Variants in SP100 observed in about 807,000 individuals in gnomAD.
The protein encoded by SP100 is SP100 nuclear body protein.
A neutral mutation model predicts 130.0 loss-of-function variants in SP100; 84 were observed. The ratio of observed to expected loss-of-function variants is 0.65; its 90% CI spans 0.54 to 0.77. The LOEUF is 0.77. Ranked by LOEUF, SP100 falls within the 30% of genes least tolerant of loss-of-function variation. The pLI is 0.00. For synonymous variants in SP100, 331 were observed against 351.7 expected (o/e 0.94, Z 0.66); for missense variants, 978 against 1,052.2 (o/e 0.93, Z 0.97).
intron 8 of SP100, among the ~76,000 whole-genome samples, chr2:230,454,376 A>G (rs2064163777): frequency 6.6e-6 from 1 of 151,804 alleles, no homozygotes; most frequent in Non-Finnish European, 1.5e-5. Context: ...GTGTAACATT[A>G]GGTTGTTTGA....
In SP100 at chr2:230,454,415, G is replaced by T. The variant is rs112367893; in HGVS notation, c.820+4160G>T. Among the ~76,000 whole-genome samples the T allele has an allele frequency of 2.0e-5, 3 of 151,830 alleles. 1 individual carries two copies. The highest frequency in any genetic ancestry group is 7.2e-5 in the African/African-American group (3 of 41,440). On this transcript the variant is annotated intron_variant, in intron 8 of 28. Coordinates refer to ENST00000340126, the MANE Select transcript of SP100 (RefSeq NM_001080391.2). ...CTTTCTTCTTTCTTTATGTATTCTTGTGTTTATTGCTATAAACTTCCCCTC... is the reference window on the plus strand; with the variant it reads ...CTTTCTTCTTTCTTTATGTATTCTTTTGTTTATTGCTATAAACTTCCCCTC...
chr2:230,472,498 G>A (rs1223966367), intron 15 of SP100, among the ~76,000 whole-genome samples: 1 of 147,634 alleles, frequency 6.8e-6, no homozygotes. Context: ...AGAATAGAAG[G>A]AGGAAGTGAT....
At chr2:230,436,192 A>G (rs1050061647) in intron 2 of SP100, among the ~76,000 whole-genome samples, 31 of 152,174 alleles carry the variant, frequency 2.0e-4, no homozygotes, top group Non-Finnish European at 1.5e-5. Flanking sequence ...TACAAGTCTC[A>G]TACCTTTCAG....
At chr2:230,436,866 G>A (rs866177104) in intron 2 of SP100, among the ~76,000 whole-genome samples, 1 of 119,260 alleles carries the variant, frequency 8.4e-6, no homozygotes, top group South Asian at 2.6e-4. Context: ...GAACACATAT[G>A]TATATGTGTA....
At chr2:230,519,328 G>T (rs1337029310) in intron 24 of SP100, among the ~76,000 whole-genome samples, 1 of 152,210 alleles carries the variant, frequency 6.6e-6, no homozygotes, top group Non-Finnish European at 1.5e-5. Flanking sequence ...ATCCAGCAAA[G>T]CTTGCAATAA....
chr2:230,474,504 T>G lies in SP100; in HGVS notation c.1600+57T>G, dbSNP rs532352790. On this transcript the variant is annotated intron_variant, in intron 17 of 28. Coordinates refer to ENST00000340126, the MANE Select transcript of SP100 (RefSeq NM_001080391.2). Reference sequence around the variant, plus strand: ...ATGTTACAAATGAACTATTTTTTAATGCTAAGGTTTATTATCATCATTTTC... The same window carrying G: ...ATGTTACAAATGAACTATTTTTTAAGGCTAAGGTTTATTATCATCATTTTC... 202 of 840,226 alleles carry G rather than the reference T, an allele frequency of 2.4e-4. No individual in the cohort carries two copies. The African/African-American group carries it at 3.1e-3, about 13-fold the overall frequency. 52.0% of individuals were successfully genotyped at this position (840,226 alleles called of 1,614,324 possible).
At chr2:230,441,083 C>G (rs904914368) in intron 2 of SP100, among the ~76,000 whole-genome samples, 2 of 152,040 alleles carry the variant, frequency 1.3e-5, no homozygotes, top group Non-Finnish European at 2.9e-5. Context: ...TCAGACAAAA[C>G]ACTTCTATCC....
chr2:230,534,852 A>G (rs1691857366), intron 24 of SP100, among the ~76,000 whole-genome samples: 1 of 152,200 alleles, frequency 6.6e-6, no homozygotes, highest in Non-Finnish European at 1.5e-5. Context: ...TGGCTTGCTT[A>G]AGAGTTTTGA....
At chr2:230,468,874 G>T in intron 13 of SP100, 169 bp from the exon 14 acceptor site, 14 of 367,646 alleles carry the variant, frequency 3.8e-5, no homozygotes, top group Non-Finnish European at 5.8e-5. Flanking sequence ...CTAAAGGATT[G>T]TGGGTCTGTG....
intron 24 of SP100, among the ~76,000 whole-genome samples, chr2:230,530,247 A>C (rs1216415057): frequency 6.6e-6 from 1 of 152,218 alleles, no homozygotes; most frequent in Non-Finnish European, 1.5e-5. Context: ...GACCAATGGA[A>C]CAGAACAGAG....
At chr2:230,542,496 A>C (rs1692216808) in intron 28 of SP100, among the ~76,000 whole-genome samples, 1 of 152,226 alleles carries the variant, frequency 6.6e-6, no homozygotes. Context: ...GTGAGAGTAA[A>C]GGGAAAAGGA....
chr2:230,438,140 G>A (rs991657174), intron 2 of SP100, among the ~76,000 whole-genome samples: 3 of 151,888 alleles, frequency 2.0e-5, no homozygotes, highest in Admixed American at 6.6e-5. Flanking sequence ...TGTGTCTTTA[G>A]TTGGATTCTC....
At chr2:230,503,314 G>A (rs541454773) in intron 20 of SP100, among the ~76,000 whole-genome samples, 8 of 152,150 alleles carry the variant, frequency 5.3e-5, no homozygotes, top group Non-Finnish European at 1.0e-4. Context: ...CCTCATGCAG[G>A]GTTCCCTGAG....
At chr2:230,464,016 A>G in intron 10 of SP100, 51 bp from the exon 11 acceptor site, 1 of 1,251,242 alleles carries the variant, frequency 8.0e-7, no homozygotes. Context: ...TACTGAACTG[A>G]TTCCTTGGTC....
At position 230,418,106 on chromosome 2, in the gene SP100, A is replaced by T. The variant is rs138731250; in HGVS notation, c.107+441A>T. 2.0e-5 allele frequency among the ~76,000 whole-genome samples: 3 copies of T among 152,296 alleles called. No homozygotes were observed. The East Asian group carries it at 5.8e-4, about 29-fold the overall frequency. ...AAGAGTTCCTCCTCTAATATCTCTG[A>T]AAATTTTTTAAATTTTTAAACAAAA... On this transcript the variant is annotated intron_variant, in intron 2 of 28. Coordinates refer to ENST00000340126, the MANE Select transcript of SP100 (RefSeq NM_001080391.2).
At chr2:230,419,493 A>G (rs1025445578) in intron 2 of SP100, among the ~76,000 whole-genome samples, 9 of 152,308 alleles carry the variant, frequency 5.9e-5, no homozygotes, top group Non-Finnish European at 1.3e-4. Context: ...CCAAAGCACA[A>G]GAAGGTTGAT....
chr2:230,463,334 A>G (rs2064764359), intron 10 of SP100, among the ~76,000 whole-genome samples: 1 of 152,234 alleles, frequency 6.6e-6, no homozygotes, highest in Non-Finnish European at 1.5e-5. Flanking sequence ...AGTTGTCATA[A>G]GATTTATAAC....
intron 24 of SP100, among the ~76,000 whole-genome samples, chr2:230,528,414 A>T (rs906649150): frequency 1.3e-5 from 2 of 152,258 alleles, no homozygotes; most frequent in Admixed American, 6.5e-5. Flanking sequence ...AATCTCTGGG[A>T]CACATTTAAG....
chr2:230,516,694 A>T (rs944592465), intron 24 of SP100, among the ~76,000 whole-genome samples: 4 of 152,218 alleles, frequency 2.6e-5, no homozygotes, highest in African/African-American at 9.6e-5. Flanking sequence ...TTCCATAAAA[A>T]AGCAATTTTG....
Sources: gnomAD v4.1 joint callset for allele counts (sites outside exome capture counted in the v4.1 genomes callset) on GRCh38, gnomAD v4.1.1 for gene constraint, MANE v1.5 for transcripts, NCBI Gene and HGNC (gene_info 2026-07-23, HGNC 2026-07-21) for gene names.